Variants in ZNF654 observed in about 807,000 individuals in gnomAD.
The protein encoded by ZNF654 is zinc finger protein 654, also known as melanoma-associated antigen.
ZNF654 carries 19 observed loss-of-function variants against 95.3 expected under a neutral mutation model. The observed-to-expected ratio is 0.20, with a 90% CI of 0.14 to 0.29. The LOEUF is 0.29. Ranked by LOEUF, ZNF654 falls within the 10% of genes least tolerant of loss-of-function variation. The probability of loss-of-function intolerance (pLI) is 1.00; values close to 1 mark genes in which losing one functional copy is unlikely to be tolerated. For missense variants in ZNF654, 1,046 were observed against 1,341.0 expected (o/e 0.78, Z 3.44); for synonymous variants, 413 against 457.9 (o/e 0.90, Z 1.25).
At chr3:88,097,375 T>A (rs1022920662) in intron 2 of ZNF654, among the ~76,000 whole-genome samples, 3 of 151,464 alleles carry the variant, frequency 2.0e-5, no homozygotes, top group East Asian at 1.9e-4. Flanking sequence ...TTTTTTTTTT[T>A]AAATAATGGG....
rs1707054334 is a variant in ZNF654, at chr3:88,140,486, T to C, written c.2817T>C (p.Val939=). 6.2e-7 allele frequency: 1 copy of C among 1,613,598 alleles called. No individual in the cohort carries two copies. ...TGGAAAAGAAAACAGACAGTTTAGT[T>C]CAGAATGGAAACGAACGTTCTGATG... ...ESMEKKTDSL[V]QNGNERSDDT... is the part of the protein sequence containing the mutation. Residue 939 remains valine (V), a synonymous_variant, in exon 8 of 9, where the codon GTT becomes GTC. Coordinates refer to ENST00000636215, the MANE Select transcript of ZNF654 (RefSeq NM_001350134.2).
At chr3:88,092,841 G>A (rs569907018) in intron 2 of ZNF654, among the ~76,000 whole-genome samples, 4 of 152,172 alleles carry the variant, frequency 2.6e-5, no homozygotes, top group African/African-American at 9.6e-5. Context: ...TATCTACTTT[G>A]TAATTATACA....
intron 4 of ZNF654, among the ~76,000 whole-genome samples, chr3:88,126,576 C>T (rs1475617616): frequency 3.7e-5 from 4 of 108,308 alleles, no homozygotes; most frequent in Admixed American, 1.3e-4. Context: ...TAAGTAGAAA[C>T]ATCTTTTTTT....
chr3:88,134,610 C>T (rs77280193), intron 6 of ZNF654, among the ~76,000 whole-genome samples: 312 of 152,126 alleles, frequency 2.1e-3, no homozygotes, highest in Non-Finnish European at 3.4e-3. Flanking sequence ...ACTATACTTA[C>T]AGTTTTAATC....
At chr3:88,130,503 A>T (rs988390625) in intron 6 of ZNF654, among the ~76,000 whole-genome samples, 3 of 152,004 alleles carry the variant, frequency 2.0e-5, no homozygotes, top group Non-Finnish European at 1.5e-5. Flanking sequence ...TCAGGCTAGA[A>T]TACAGTGGTG....
Position 88,139,591 on chromosome 3 carries a change from A to G in ZNF654, c.1922A>G (p.Glu641Gly). The G allele has an allele frequency of 6.2e-7, 1 of 1,613,728 alleles. No individual in the cohort carries two copies. The highest frequency in any genetic ancestry group is 1.3e-5 in the African/African-American group (1 of 75,036). The stretch of plus-strand genomic sequence containing the variant: ...TCTGATAGTAAGGATTTGGAAGTGG[A>G]GACACTTACTGCTTCTAGTGAAGGA... ...GNSDSKDLEVETLTASSEGNK... is the reference protein window; with the variant it reads ...GNSDSKDLEVGTLTASSEGNK... Residue 641 changes from glutamate (E) to glycine (G), a missense_variant, in exon 8 of 9, where the codon GAG (glutamate) becomes GGG (glycine). Physicochemically the swap from Glu to Gly is moderately conservative, Grantham distance 98. Coordinates refer to ENST00000636215, the MANE Select transcript of ZNF654 (RefSeq NM_001350134.2).
At chr3:88,096,963 T>G (rs1174240027) in intron 2 of ZNF654, among the ~76,000 whole-genome samples, 1 of 152,154 alleles carries the variant, frequency 6.6e-6, no homozygotes, top group Non-Finnish European at 1.5e-5. Context: ...ATCTCTGTTT[T>G]TCACTTAGAT....
intron 1 of ZNF654, among the ~76,000 whole-genome samples, chr3:88,064,937 T>C (rs1707110256): frequency 6.6e-6 from 1 of 152,202 alleles, no homozygotes; most frequent in African/African-American, 2.4e-5. Flanking sequence ...TTTGAAAGAG[T>C]ATCCTATTTT....
intron 1 of ZNF654, among the ~76,000 whole-genome samples, chr3:88,083,044 T>C (rs775899013): frequency 8.1e-5 from 12 of 148,640 alleles, no homozygotes; most frequent in Non-Finnish European, 1.6e-4. Context: ...TCCTCCTCAC[T>C]CCTCCTCCCT....
In ZNF654 at chr3:88,140,685, A is replaced by G; in HGVS notation, c.3016A>G (p.Asn1006Asp). The part of the protein sequence containing the change: ...KIDTNRIRTE[N>D]GSILPSVVPQ... ...TGATACAAACAGAATCAGGACAGAA[A>G]ATGGTTCCATTTTGCCCAGTGTTGT... Residue 1006 changes from asparagine to aspartate, a missense_variant, in exon 8 of 9, where the codon AAT (asparagine) becomes GAT (aspartate). Transcript: ENST00000636215. 2.5e-6 allele frequency: 4 copies of G among 1,613,724 alleles called. No homozygotes were observed. The highest frequency in any genetic ancestry group is 3.4e-6 in the Non-Finnish European group (4 of 1,179,740).
rs1170924515 is a variant in ZNF654, at chr3:88,112,424, G to T, written c.333-691G>T. Among the ~76,000 whole-genome samples the T allele has an allele frequency of 2.6e-5, 4 of 151,952 alleles. No individual in the cohort carries two copies. The East Asian group carries it at 7.7e-4, about 29-fold the overall frequency. On this transcript the variant is annotated intron_variant, in intron 2 of 8. Transcript: ENST00000636215. ...TAATTTTATAATTTTCCATGCTCAT[G>T]ATTAGGAAATCATTCATGTTCCTTT...
chr3:88,118,397 A>G (rs1309196885), intron 3 of ZNF654, among the ~76,000 whole-genome samples: 1 of 152,178 alleles, frequency 6.6e-6, no homozygotes, highest in East Asian at 1.9e-4. Flanking sequence ...CAAAGGTAAA[A>G]GAGCCAGCCA....
In ZNF654 at chr3:88,144,272, T is replaced by C. The variant is rs1213821314; in HGVS notation, c.*2620T>C. The C allele has an allele frequency of 6.6e-6, 1 of 152,358 alleles. No individual in the cohort carries two copies. The allele number at this position is 152,358 out of a possible 1,614,324, so 9.4% of individuals were successfully genotyped here. On this transcript the variant is annotated 3_prime_UTR_variant, in exon 9 of 9. Transcript: ENST00000636215. ...TTATATAATACTTAAATAATTTATATCATTGAACTTGTGATTCTTTTCAAA... is the reference window on the plus strand; with the variant it reads ...TTATATAATACTTAAATAATTTATACCATTGAACTTGTGATTCTTTTCAAA...
Position 88,139,743 on chromosome 3 carries a change from C to G in ZNF654, c.2074C>G (p.Pro692Ala). Residue 692 changes from proline (P) to alanine (A), a missense_variant, in exon 8 of 9, where the codon CCT becomes GCT. This residue lies in a region of ZNF654 where 495 missense variants were observed against 537.0 expected (regional missense o/e 0.92). Transcript: ENST00000636215. ...TAATTCTTTAAATAATGTTTTCAAGCCTTTAACTGAATGTGGGGATGATTA... is the reference window on the plus strand; with the variant it reads ...TAATTCTTTAAATAATGTTTTCAAGGCTTTAACTGAATGTGGGGATGATTA... ...PNNSLNNVFK[P>A]LTECGDDYEE... 2 of 1,555,238 alleles carry G rather than the reference C, an allele frequency of 1.3e-6. No individual in the cohort carries two copies.
At chr3:88,117,389 A>T (rs750108928) in intron 3 of ZNF654, among the ~76,000 whole-genome samples, 3 of 152,180 alleles carry the variant, frequency 2.0e-5, no homozygotes, top group Non-Finnish European at 4.4e-5. Context: ...ATGCCAGCAT[A>T]AATAATGTCT....
intron 2 of ZNF654, chr3:88,095,921 C>T: frequency 2.7e-6 from 1 of 375,406 alleles, no homozygotes; most frequent in East Asian, 8.4e-5. Flanking sequence ...CAGTCTACTC[C>T]TCTTCATTCT....
At chr3:88,123,949 T>C (rs918916366) in intron 3 of ZNF654, among the ~76,000 whole-genome samples, 1 of 152,182 alleles carries the variant, frequency 6.6e-6, no homozygotes, top group African/African-American at 2.4e-5. Flanking sequence ...TTTTAACCCA[T>C]GAAGCTGTTC....
intron 1 of ZNF654, among the ~76,000 whole-genome samples, chr3:88,068,039 G>T (rs1355055321): frequency 1.3e-5 from 2 of 152,194 alleles, no homozygotes; most frequent in South Asian, 2.1e-4. Context: ...CAAAGCACAA[G>T]TGGAGGGGTG....
At chr3:88,099,185 C>G (rs1293850944) in intron 2 of ZNF654, among the ~76,000 whole-genome samples, 2 of 152,128 alleles carry the variant, frequency 1.3e-5, no homozygotes, top group Non-Finnish European at 2.9e-5. Context: ...TTCCTCTACA[C>G]CAATAACAGA....
Sources: gnomAD v4.1 joint callset for allele counts (sites outside exome capture counted in the v4.1 genomes callset) on GRCh38, gnomAD v4.1.1 for gene constraint, gnomAD v4.1.1 regional missense constraint, MANE v1.5 for transcripts, NCBI Gene and HGNC (gene_info 2026-07-23, HGNC 2026-07-21) for gene names.